The following RABGAP1L variants were observed in gnomAD, a reference collection of about 807,000 sequenced individuals.
RABGAP1L encodes the protein rab GTPase-activating protein 1-like.
Under a neutral mutation model 137.7 loss-of-function variants are expected in RABGAP1L, and 63 were observed. The observed-to-expected ratio is 0.46, with a 90% CI of 0.37 to 0.56. RABGAP1L has a LOEUF of 0.56. Among genes scored for constraint, RABGAP1L ranks in the 20% least tolerant of loss-of-function variants. RABGAP1L has a pLI of 0.00. For missense variants in RABGAP1L, 1,095 were observed against 1,244.0 expected, an observed-to-expected ratio of 0.88 and a Z score of 1.80; for synonymous variants, 431 against 433.7, an observed-to-expected ratio of 0.99 and a Z score of 0.08.
chr1:174,816,140 TA>T (rs1460214202), intron 19 of RABGAP1L, among the ~76,000 whole-genome samples: 10 of 141,064 alleles, frequency 7.1e-5, no homozygotes, highest in African/African-American at 2.5e-4. Context: ...AGTAACATAA[TA>T]CATAGCTTTT....
At chr1:174,310,518 T>C (rs1243454307) in intron 11 of RABGAP1L, among the ~76,000 whole-genome samples, 1 of 152,196 alleles carries the variant, frequency 6.6e-6, no homozygotes, top group African/African-American at 2.4e-5. Context: ...GGATGATCTG[T>C]CCATTGCTGA....
At chr1:174,273,347 G>C (rs2148663980) in intron 8 of RABGAP1L, among the ~76,000 whole-genome samples, 1 of 152,116 alleles carries the variant, frequency 6.6e-6, no homozygotes, top group East Asian at 1.9e-4. Flanking sequence ...TGTGTGAAGT[G>C]ATGAGGTTAT....
intron 17 of RABGAP1L, among the ~76,000 whole-genome samples, chr1:174,715,554 A>G (rs1680927195): frequency 6.6e-6 from 1 of 152,208 alleles, no homozygotes; most frequent in African/African-American, 2.4e-5. Flanking sequence ...CACTATTCTT[A>G]CCTTCTCCAA....
intron 12 of RABGAP1L, among the ~76,000 whole-genome samples, chr1:174,376,869 G>C (rs1484203872): frequency 6.6e-6 from 1 of 152,028 alleles, no homozygotes; most frequent in African/African-American, 2.4e-5. Flanking sequence ...GCAAGAAAAA[G>C]AAATAAAAGG....
chr1:174,306,729 T>C (rs1678295203), intron 11 of RABGAP1L, among the ~76,000 whole-genome samples: 2 of 152,176 alleles, frequency 1.3e-5, no homozygotes, highest in South Asian at 4.1e-4. Flanking sequence ...GTATCTGCTC[T>C]ATTTACTACA....
At chr1:174,293,165 ATTC>A (rs1676789074) in intron 10 of RABGAP1L, among the ~76,000 whole-genome samples, 1 of 150,304 alleles carries the variant, frequency 6.7e-6, no homozygotes, top group Admixed American at 6.6e-5. Flanking sequence ...TTTTGGTTAT[ATTC>A]TTCTTCAATT....
rs575640002 is a variant in RABGAP1L at position 174,364,194 on chromosome 1, C to T, written c.1466-6785C>T. Among the ~76,000 whole-genome samples the T allele has an allele frequency of 7.4e-5, 11 of 148,216 alleles. No individual in the cohort carries two copies. In the South Asian group the frequency reaches 1.3e-3, roughly 17 times the overall value. ...TATTCTTTACTTAGAGGCTTTATTACGACTTCGATCTTGTTACTTATTATT... is the reference window on the plus strand; with the variant it reads ...TATTCTTTACTTAGAGGCTTTATTATGACTTCGATCTTGTTACTTATTATT... On this transcript the variant is annotated intron_variant, in intron 11 of 25. Coordinates refer to ENST00000681986, the MANE Select transcript of RABGAP1L (RefSeq NM_001366446.1).
At chr1:174,215,470 T>TA (rs1282859037) in intron 1 of RABGAP1L, among the ~76,000 whole-genome samples, 41 of 146,914 alleles carry the variant, frequency 2.8e-4, no homozygotes, top group Middle Eastern at 6.9e-3. Context: ...AAAAAAAAAA[T>TA]AATAATAATA....
intron 20 of RABGAP1L, among the ~76,000 whole-genome samples, chr1:174,968,443 C>T (rs1574037411): frequency 6.6e-6 from 1 of 150,860 alleles, no homozygotes; most frequent in East Asian, 1.9e-4. Flanking sequence ...TGTGAACATA[C>T]CAAGTTCATA....
In RABGAP1L at chr1:174,616,063, C is replaced by T. The variant is rs184777361; in HGVS notation, c.1711-21312C>T. 8.1e-3 allele frequency among the ~76,000 whole-genome samples: 1,231 copies of T among 152,318 alleles called. 9 individuals carry two copies. Among genetic ancestry groups the T allele is most frequent in the Non-Finnish European group, 0.013 (881 of 68,028 alleles). The stretch of plus-strand genomic sequence containing the variant: ...GGCAATGTCTTGCCCTGCTTTGGCT[C>T]GCACACAGTGCGCTGCACCCACTGT... On this transcript the variant is annotated intron_variant, in intron 13 of 25. Transcript: ENST00000681986.
intron 13 of RABGAP1L, among the ~76,000 whole-genome samples, chr1:174,621,911 C>T (rs1456870176): frequency 6.6e-6 from 1 of 152,164 alleles, no homozygotes; most frequent in Non-Finnish European, 1.5e-5. Context: ...TCAGAGTGAA[C>T]AGGCAACCTA....
At chr1:174,459,460 A>C (rs1194103650) in intron 13 of RABGAP1L, among the ~76,000 whole-genome samples, 2 of 152,114 alleles carry the variant, frequency 1.3e-5, no homozygotes, top group Non-Finnish European at 2.9e-5. Context: ...CCCCAAGGAT[A>C]CCAAAATCCA....
At chr1:174,873,510 A>G (rs1652536262) in intron 19 of RABGAP1L, among the ~76,000 whole-genome samples, 1 of 135,962 alleles carries the variant, frequency 7.4e-6, no homozygotes, top group African/African-American at 2.7e-5. Context: ...AGTTGAGATA[A>G]TTTTTTTTTT....
chr1:174,684,515 T>C (rs1474678243), intron 15 of RABGAP1L, among the ~76,000 whole-genome samples: 1 of 152,162 alleles, frequency 6.6e-6, no homozygotes, highest in Non-Finnish European at 1.5e-5. Context: ...TGTGAAGACT[T>C]TGTAATGTGT....
At chr1:174,504,263 A>C (rs541058111) in intron 13 of RABGAP1L, among the ~76,000 whole-genome samples, 2 of 152,174 alleles carry the variant, frequency 1.3e-5, no homozygotes, top group African/African-American at 4.8e-5. Context: ...ATGAGCCAGC[A>C]CGCCTGGCCA....
chr1:174,654,151 A>C (rs909575847), intron 14 of RABGAP1L, among the ~76,000 whole-genome samples: 3 of 152,182 alleles, frequency 2.0e-5, no homozygotes, highest in African/African-American at 7.2e-5. Context: ...AGCCAAAGTT[A>C]CTAATTAGGT....
At chr1:174,551,102 G>A (rs1397400458) in intron 13 of RABGAP1L, among the ~76,000 whole-genome samples, 2 of 147,374 alleles carry the variant, frequency 1.4e-5, no homozygotes, top group African/African-American at 2.6e-5. Context: ...GCAGCTACTC[G>A]GGAGGCTGAG....
chr1:174,240,409 G>C (rs185945655), intron 4 of RABGAP1L, among the ~76,000 whole-genome samples: 20 of 152,136 alleles, frequency 1.3e-4, no homozygotes, highest in African/African-American at 4.8e-4. Context: ...GCCATGCCTG[G>C]CTGATTTTTG....
intron 20 of RABGAP1L, among the ~76,000 whole-genome samples, chr1:174,961,989 C>T (rs996742948): frequency 1.3e-5 from 2 of 151,400 alleles, no homozygotes; most frequent in African/African-American, 4.9e-5. Flanking sequence ...AACCCCATCT[C>T]TACTAAAAAA....
Sources: allele counts gnomAD v4.1 joint callset (sites outside exome capture counted in the v4.1 genomes callset), GRCh38; gene constraint gnomAD v4.1.1; transcripts MANE v1.5; gene names NCBI Gene and HGNC (gene_info 2026-07-23, HGNC 2026-07-21).